SDK1: variants seen among roughly 807,000 people sequenced by gnomAD.
SDK1 encodes the protein protein sidekick-1.
SDK1 carries 157 observed loss-of-function variants against 245.5 expected under a neutral mutation model. That is an observed-to-expected ratio of 0.64 (90% CI 0.56 to 0.73). The LOEUF (loss-of-function observed/expected upper bound fraction) is 0.73. SDK1 is among the 30% of genes least tolerant of loss of function. The pLI, the probability that SDK1 is intolerant of heterozygous loss-of-function variation, is 0.00. For missense variants in SDK1, 3,583 were observed against 3,002.3 expected (o/e 1.19, Z -4.52); for synonymous variants, 1,647 against 1,278.5 (o/e 1.29, Z -6.15).
At chr7:4,083,526 CT>C (rs1781198247) in intron 22 of SDK1, among the ~76,000 whole-genome samples, 1 of 88,192 alleles carries the variant, frequency 1.1e-5, no homozygotes, top group Non-Finnish European at 2.2e-5. Context: ...ATTTCCACTC[CT>C]CCCTCCCTCC....
At position 3,723,879 on chromosome 7, in the gene SDK1, CATATAT is replaced by C. The variant is rs573871877; in HGVS notation, c.713+81780_713+81785del. 1.3e-3 allele frequency among the ~76,000 whole-genome samples: 150 copies of C among 119,504 alleles called. 9 individuals carry two copies. The highest frequency in any genetic ancestry group is 5.4e-3 in the African/African-American group (140 of 26,066). The allele number at this position is 119,504 out of a possible 152,430, so 78.4% of individuals were successfully genotyped here. On this transcript the variant is annotated intron_variant, in intron 4 of 44. Coordinates refer to ENST00000404826, the MANE Select transcript of SDK1 (RefSeq NM_152744.4). ...ACATATACACGTGTATATACACGTA[CATATAT>C]ATATACACGTGTATATACACGTACA...
intron 4 of SDK1, among the ~76,000 whole-genome samples, chr7:3,657,819 T>C (rs765696303): frequency 1.3e-5 from 2 of 152,204 alleles, no homozygotes; most frequent in Non-Finnish European, 2.9e-5. Context: ...GAGGAAGTCT[T>C]ATCACACCAA....
At chr7:3,935,182 A>G (rs994022409) in intron 5 of SDK1, among the ~76,000 whole-genome samples, 5 of 152,204 alleles carry the variant, frequency 3.3e-5, no homozygotes, top group Admixed American at 6.5e-5. Flanking sequence ...TGGGCAGGGC[A>G]CAGGCAGCAC....
At chr7:3,800,600 G>T (rs1308812325) in intron 4 of SDK1, among the ~76,000 whole-genome samples, 1 of 152,032 alleles carries the variant, frequency 6.6e-6, no homozygotes, top group African/African-American at 2.4e-5. Flanking sequence ...TTGATCTCCT[G>T]ACCTCATGAT....
intron 25 of SDK1, among the ~76,000 whole-genome samples, chr7:4,123,537 G>T (rs1784199893): frequency 6.6e-6 from 1 of 152,164 alleles, no homozygotes; most frequent in African/African-American, 2.4e-5. Context: ...GGGACTTGGG[G>T]CTGCATCTGT....
chr7:4,219,012 T>C (rs1784991937), intron 38 of SDK1, among the ~76,000 whole-genome samples: 3 of 152,194 alleles, frequency 2.0e-5, no homozygotes, highest in Non-Finnish European at 4.4e-5. Flanking sequence ...ATGTGAAATC[T>C]CCATTTTCTA....
At chr7:3,736,333 G>A (rs1244200870) in intron 4 of SDK1, among the ~76,000 whole-genome samples, 1 of 151,930 alleles carries the variant, frequency 6.6e-6, no homozygotes, top group African/African-American at 2.4e-5. Flanking sequence ...TTGCTCTGTC[G>A]CCCAGGCTGG....
chr7:3,593,350 C>A (rs749458804), intron 1 of SDK1, among the ~76,000 whole-genome samples: 2 of 152,104 alleles, frequency 1.3e-5, no homozygotes, highest in Non-Finnish European at 2.9e-5. Flanking sequence ...AATCTCCTGC[C>A]CCCAGGTCTG....
intron 30 of SDK1, among the ~76,000 whole-genome samples, chr7:4,150,441 C>T (rs1433669341): frequency 6.6e-6 from 1 of 152,230 alleles, no homozygotes; most frequent in Non-Finnish European, 1.5e-5. Context: ...CGAGCTTCCT[C>T]TGTCTCTCAG....
intron 4 of SDK1, among the ~76,000 whole-genome samples, chr7:3,655,481 A>ATATATATATATG (rs1783146494): frequency 2.6e-5 from 2 of 76,274 alleles, no homozygotes; most frequent in African/African-American, 9.3e-5. Flanking sequence ...ATATATATAT[A>ATATATATATATG]TATATATATA....
At chr7:3,649,028 T>C (rs1348417230) in intron 4 of SDK1, among the ~76,000 whole-genome samples, 1 of 152,206 alleles carries the variant, frequency 6.6e-6, no homozygotes, top group Non-Finnish European at 1.5e-5. Flanking sequence ...TCCATGGACA[T>C]TTCCTGAGCA....
At chr7:3,415,228 T>C (rs1779327181) in intron 1 of SDK1, among the ~76,000 whole-genome samples, 1 of 152,184 alleles carries the variant, frequency 6.6e-6, no homozygotes, top group Admixed American at 6.5e-5. Context: ...AAAGTGCATA[T>C]GTTACAAAAA....
chr7:3,496,023 G>A (rs1194210829), intron 1 of SDK1, among the ~76,000 whole-genome samples: 1 of 152,084 alleles, frequency 6.6e-6, no homozygotes, highest in African/African-American at 2.4e-5. Context: ...GATCTTAATT[G>A]TAAAACACAC....
In SDK1 at chr7:3,447,860, A is replaced by G. The variant is rs561424804; in HGVS notation, c.298+145976A>G. Among the ~76,000 whole-genome samples the G allele has an allele frequency of 5.5e-4, 83 of 151,924 alleles. 2 individuals carry two copies. Among genetic ancestry groups the G allele is most frequent in the Middle Eastern group, 6.8e-3 (2 of 294 alleles). ...GCTGGGATTATAAGCATGCGCCACC[A>G]TGCCTGGCTAATTTCGTATTTTTAG... On this transcript the variant is annotated intron_variant, in intron 1 of 44. Transcript: ENST00000404826.
intron 20 of SDK1, among the ~76,000 whole-genome samples, chr7:4,070,935 C>T (rs943482533): frequency 5.9e-5 from 9 of 152,116 alleles, no homozygotes; most frequent in Admixed American, 5.2e-4. Context: ...TGGTCTCGAT[C>T]TCCTGACCTC....
intron 41 of SDK1, among the ~76,000 whole-genome samples, chr7:4,236,108 G>A (rs190351642): frequency 8.5e-5 from 13 of 152,316 alleles, no homozygotes; most frequent in African/African-American, 1.4e-4. Context: ...TCTTCTTCCC[G>A]GTGTGCACAC....
At chr7:3,715,169 T>C (rs1256426987) in intron 4 of SDK1, among the ~76,000 whole-genome samples, 1 of 152,182 alleles carries the variant, frequency 6.6e-6, no homozygotes, top group African/African-American at 2.4e-5. Context: ...TGAGAGATAC[T>C]AAATCACCCT....
chr7:4,087,888 G>C (rs1448199168), intron 22 of SDK1, among the ~76,000 whole-genome samples: 4 of 152,186 alleles, frequency 2.6e-5, no homozygotes, highest in African/African-American at 9.7e-5. Context: ...ATTAACTCAC[G>C]TATGGCTATT....
At chr7:3,354,737 C>A (rs1216862933) in intron 1 of SDK1, among the ~76,000 whole-genome samples, 3 of 152,136 alleles carry the variant, frequency 2.0e-5, no homozygotes, top group Non-Finnish European at 2.9e-5. Context: ...ATATGTTAAC[C>A]CCTGCCCTTA....
Sources: allele counts gnomAD v4.1 joint callset (sites outside exome capture counted in the v4.1 genomes callset), GRCh38; gene constraint gnomAD v4.1.1; transcripts MANE v1.5; gene names NCBI Gene and HGNC (gene_info 2026-07-23, HGNC 2026-07-21).